The following TENM3 variants were observed in gnomAD, a reference collection of about 807,000 sequenced individuals.
The protein encoded by TENM3 is teneurin-3.
In TENM3, 63 loss-of-function variants were observed where a neutral mutation model predicts 255.1. The observed-to-expected ratio is 0.25, with a 90% CI of 0.20 to 0.30. The LOEUF is 0.30. TENM3 is among the 10% of genes least tolerant of loss of function. The probability of loss-of-function intolerance (pLI) is 1.00; values close to 1 mark genes in which losing one functional copy is unlikely to be tolerated. For missense variants in TENM3, 2,929 were observed against 3,461.1 expected (o/e 0.85, Z 3.86); for synonymous variants, 1,306 against 1,322.3 (o/e 0.99, Z 0.27).
At chr4:181,556,325 G>T in the TENM3 span, among the ~76,000 whole-genome samples, 1,334 of 152,056 alleles carry the variant, frequency 8.8e-3, 78 homozygotes, top group Admixed American at 0.077. Context: ...ATGCCTGATA[G>T]CTTACTAATT....
chr4:182,736,695 A>G (rs1008721868), intron 16 of TENM3, 113 bp from the exon 17 acceptor site: 3 of 1,035,426 alleles, frequency 2.9e-6, no homozygotes, highest in African/African-American at 3.2e-5. Context: ...TAAGTAAACT[A>G]AGACACAGAG....
intron 5 of TENM3, among the ~76,000 whole-genome samples, chr4:182,636,678 C>T (rs1174213935): frequency 6.6e-6 from 1 of 151,290 alleles, no homozygotes; most frequent in Non-Finnish European, 1.5e-5. Flanking sequence ...GATCGCGCCA[C>T]CGTACTCCAG....
the TENM3 span, among the ~76,000 whole-genome samples, chr4:181,927,521 A>G: frequency 6.6e-6 from 1 of 152,238 alleles, no homozygotes; most frequent in African/African-American, 2.4e-5. Flanking sequence ...CAGCAGCCCC[A>G]GTCAGGGGCT....
intron 3 of TENM3, among the ~76,000 whole-genome samples, chr4:182,454,752 C>G (rs1460755440): frequency 6.6e-6 from 1 of 152,136 alleles, no homozygotes; most frequent in Non-Finnish European, 1.5e-5. Flanking sequence ...TTTATATCAA[C>G]TCCAATAAAA....
intron 6 of TENM3, among the ~76,000 whole-genome samples, chr4:182,666,907 A>G (rs1463008969): frequency 6.6e-6 from 1 of 152,098 alleles, no homozygotes; most frequent in Non-Finnish European, 1.5e-5. Flanking sequence ...GTCTCAAAAA[A>G]AAAAGGAAAT....
chr4:182,028,392 G>A, the TENM3 span, among the ~76,000 whole-genome samples: 1 of 151,834 alleles, frequency 6.6e-6, no homozygotes, highest in Admixed American at 6.6e-5. Flanking sequence ...TGTCAATTTT[G>A]CTTAACTTTT....
chr4:182,697,536 A>G (rs1757519570), intron 12 of TENM3, among the ~76,000 whole-genome samples: 1 of 152,060 alleles, frequency 6.6e-6, no homozygotes, highest in Admixed American at 6.5e-5. Context: ...GTAATAAGAA[A>G]TTTGATGGAC....
At chr4:182,288,824 T>C (rs1338929356) in intron 1 of TENM3, among the ~76,000 whole-genome samples, 1 of 152,128 alleles carries the variant, frequency 6.6e-6, no homozygotes, top group Non-Finnish European at 1.5e-5. Flanking sequence ...TACCAGAGCG[T>C]ACAAAGTCAT....
the TENM3 span, among the ~76,000 whole-genome samples, chr4:182,101,466 G>C: frequency 6.6e-6 from 1 of 152,152 alleles, no homozygotes; most frequent in Non-Finnish European, 1.5e-5. Context: ...CTCACCATCT[G>C]ATCTTAGCCC....
chr4:182,101,299 G>GAAAGAAGGGAGGGAGGAAGGAAAGA, the TENM3 span, among the ~76,000 whole-genome samples: 3 of 124,054 alleles, frequency 2.4e-5, no homozygotes, highest in Admixed American at 8.2e-5. Flanking sequence ...AGGAAGGAAG[G>GAAAGAAGGGAGGGAGGAAGGAAAGA]AGGGAGGGAA....
intron 13 of TENM3, among the ~76,000 whole-genome samples, chr4:182,721,013 C>A (rs1759682551): frequency 6.6e-6 from 1 of 151,960 alleles, no homozygotes; most frequent in African/African-American, 2.4e-5. Context: ...GGTGATCCAC[C>A]CACCTCAGCC....
chr4:182,454,885 G>T (rs563657838), intron 3 of TENM3, among the ~76,000 whole-genome samples: 1 of 152,268 alleles, frequency 6.6e-6, no homozygotes. Flanking sequence ...CTGCATACAA[G>T]ATTTTTGTTT....
chr4:182,030,576 A>G, the TENM3 span, among the ~76,000 whole-genome samples: 1 of 152,124 alleles, frequency 6.6e-6, no homozygotes, highest in South Asian at 2.1e-4. Flanking sequence ...AGGATGATTT[A>G]TGTTTCTTTA....
At chr4:182,561,927 A>C (rs545840748) in intron 3 of TENM3, among the ~76,000 whole-genome samples, 2 of 152,144 alleles carry the variant, frequency 1.3e-5, no homozygotes, top group South Asian at 4.1e-4. Context: ...CCTATATAAG[A>C]CATATTGTGC....
At chr4:181,769,242 C>T in the TENM3 span, among the ~76,000 whole-genome samples, 3 of 152,268 alleles carry the variant, frequency 2.0e-5, no homozygotes, top group Admixed American at 6.5e-5. Flanking sequence ...TGACTTAAGC[C>T]TTGGTCTGTC....
chr4:182,168,974 A>G (rs1226127503), intron 1 of TENM3, among the ~76,000 whole-genome samples: 2 of 152,108 alleles, frequency 1.3e-5, no homozygotes, highest in African/African-American at 4.8e-5. Context: ...TTACAGGCTT[A>G]AAAAAATCAT....
intron 3 of TENM3, among the ~76,000 whole-genome samples, chr4:182,461,121 C>G (rs1774290636): frequency 6.6e-6 from 1 of 152,208 alleles, no homozygotes; most frequent in Non-Finnish European, 1.5e-5. Context: ...AATGCAATCA[C>G]AATCATAATT....
At chr4:182,325,820 G>A (rs529220935) in intron 2 of TENM3, among the ~76,000 whole-genome samples, 6 of 152,208 alleles carry the variant, frequency 3.9e-5, no homozygotes, top group African/African-American at 1.4e-4. Context: ...AGCACATGTG[G>A]CGAGATGCAC....
the TENM3 span, among the ~76,000 whole-genome samples, chr4:181,992,335 T>G: frequency 6.6e-6 from 1 of 152,306 alleles, no homozygotes; most frequent in South Asian, 2.1e-4. Context: ...CTCTCATTAG[T>G]GCAACCAGGC....
Sources: allele counts gnomAD v4.1 joint callset (sites outside exome capture counted in the v4.1 genomes callset), GRCh38; gene constraint gnomAD v4.1.1; transcripts MANE v1.5; gene names NCBI Gene and HGNC (gene_info 2026-07-23, HGNC 2026-07-21).